Variants in LRP1B observed in about 807,000 individuals in gnomAD.
LRP1B encodes the protein low-density lipoprotein receptor-related protein 1B.
Under a neutral mutation model 556.6 loss-of-function variants are expected in LRP1B, and 217 were observed. The ratio of observed to expected loss-of-function variants is 0.39; its 90% CI spans 0.35 to 0.44. LRP1B has a LOEUF of 0.44. LRP1B is among the 20% of genes least tolerant of loss of function. The pLI is 1.00. For missense variants in LRP1B, 5,053 were observed against 5,620.8 expected, an observed-to-expected ratio of 0.90 and a Z score of 3.23; for synonymous variants, 2,047 against 1,865.8, an observed-to-expected ratio of 1.10 and a Z score of -2.50.
At chr2:140,411,468 A>G (rs1684967050) in intron 66 of LRP1B, among the ~76,000 whole-genome samples, 1 of 152,058 alleles carries the variant, frequency 6.6e-6, no homozygotes, top group Non-Finnish European at 1.5e-5. Flanking sequence ...AATTCTTGCT[A>G]TTTGCAGATA....
At chr2:142,028,861 AGT>A (rs766862726) in intron 1 of LRP1B, among the ~76,000 whole-genome samples, 153 of 152,058 alleles carry the variant, frequency 1.0e-3, no homozygotes, top group African/African-American at 3.3e-3. Flanking sequence ...TATAATAAAA[AGT>A]GTAGTGGTAT....
At chr2:141,119,211 C>T (rs562482491) in intron 7 of LRP1B, among the ~76,000 whole-genome samples, 2 of 151,912 alleles carry the variant, frequency 1.3e-5, no homozygotes, top group South Asian at 4.2e-4. Flanking sequence ...TTAAAATCAT[C>T]CGTAAGTTTT....
At chr2:141,639,684 A>C (rs183849546) in intron 2 of LRP1B, among the ~76,000 whole-genome samples, 8 of 152,048 alleles carry the variant, frequency 5.3e-5, no homozygotes, top group Admixed American at 4.6e-4. Context: ...TTCTCCAATA[A>C]TTATTTTGTT....
chr2:142,064,588 T>C (rs575023454), intron 1 of LRP1B, among the ~76,000 whole-genome samples: 2 of 151,636 alleles, frequency 1.3e-5, no homozygotes, highest in Non-Finnish European at 3.0e-5. Context: ...CACTTCTTCC[T>C]GTCTTTCCTT....
chr2:142,011,398 C>T (rs758434063), intron 1 of LRP1B, among the ~76,000 whole-genome samples: 58 of 152,152 alleles, frequency 3.8e-4, no homozygotes, highest in Non-Finnish European at 7.2e-4. Flanking sequence ...GTTTAATTTA[C>T]ATGATGATAC....
chr2:140,739,362 CAA>C (rs56217594), intron 35 of LRP1B, among the ~76,000 whole-genome samples: 9,221 of 146,840 alleles, frequency 0.063, 352 homozygotes, highest in Admixed American at 0.11. Context: ...TGCAAAGAGT[CAA>C]AAAAAAAAAA....
intron 31 of LRP1B, among the ~76,000 whole-genome samples, chr2:140,833,808 T>C (rs1691802820): frequency 6.6e-6 from 1 of 152,322 alleles, no homozygotes; most frequent in South Asian, 2.1e-4. Context: ...ACAAATTTTT[T>C]ACAAAGGTTA....
chr2:141,700,650 A>G (rs1691910244), intron 2 of LRP1B, among the ~76,000 whole-genome samples: 1 of 151,774 alleles, frequency 6.6e-6, no homozygotes, highest in South Asian at 2.1e-4. Context: ...CTAGCCATAG[A>G]AACTAGAATC....
intron 20 of LRP1B, among the ~76,000 whole-genome samples, chr2:140,927,868 G>A (rs781653532): frequency 5.3e-5 from 8 of 150,674 alleles, no homozygotes; most frequent in Non-Finnish European, 1.0e-4. Context: ...CATCATGCCC[G>A]GCTATTCATT....
At chr2:141,926,641 C>T (rs557478053) in intron 1 of LRP1B, among the ~76,000 whole-genome samples, 1 of 152,256 alleles carries the variant, frequency 6.6e-6, no homozygotes, top group South Asian at 2.1e-4. Context: ...TTGGCATCTA[C>T]TTTGAAGCAA....
At chr2:140,903,481 T>G (rs1694161471) in intron 22 of LRP1B, among the ~76,000 whole-genome samples, 1 of 152,086 alleles carries the variant, frequency 6.6e-6, no homozygotes, top group Non-Finnish European at 1.5e-5. Flanking sequence ...CTGGAAAGAT[T>G]ATGCTGAGCC....
At chr2:141,732,504 C>T (rs1693312101) in intron 2 of LRP1B, among the ~76,000 whole-genome samples, 1 of 152,064 alleles carries the variant, frequency 6.6e-6, no homozygotes, top group Admixed American at 6.6e-5. Context: ...TTTCTGTAGG[C>T]TGGAGTATTT....
At chr2:141,184,741 G>A (rs1681167184) in intron 7 of LRP1B, among the ~76,000 whole-genome samples, 2 of 151,202 alleles carry the variant, frequency 1.3e-5, no homozygotes, top group South Asian at 4.2e-4. Context: ...CAGCCAAAGT[G>A]CAGCGATGGG....
chr2:141,570,903 C>T (rs1428811530), intron 2 of LRP1B, among the ~76,000 whole-genome samples: 2 of 151,144 alleles, frequency 1.3e-5, no homozygotes, highest in Non-Finnish European at 3.0e-5. Flanking sequence ...GAATCTGGAT[C>T]TCCCTGGGCC....
At chr2:141,883,845 A>G (rs1699029901) in intron 1 of LRP1B, among the ~76,000 whole-genome samples, 1 of 151,712 alleles carries the variant, frequency 6.6e-6, no homozygotes, top group South Asian at 2.1e-4. Flanking sequence ...TTAAAAGAAA[A>G]CAACAACAAC....
At chr2:141,856,653 G>T (rs1324202862) in intron 1 of LRP1B, among the ~76,000 whole-genome samples, 1 of 152,004 alleles carries the variant, frequency 6.6e-6, no homozygotes, top group African/African-American at 2.4e-5. Context: ...AAACCCAGAG[G>T]TATACAAAAC....
At chr2:140,559,752 A>G (rs1680862939) in intron 43 of LRP1B, among the ~76,000 whole-genome samples, 1 of 110,936 alleles carries the variant, frequency 9.0e-6, no homozygotes, top group South Asian at 3.3e-4. Flanking sequence ...ACACTGACAT[A>G]AATAATTGAA....
At chr2:141,605,417 A>G (rs898478537) in intron 2 of LRP1B, among the ~76,000 whole-genome samples, 3 of 152,058 alleles carry the variant, frequency 2.0e-5, no homozygotes, top group Non-Finnish European at 2.9e-5. Flanking sequence ...GAGTGGATTC[A>G]TCATGGTTAA....
At chr2:140,753,093 T>C (rs561915474) in intron 35 of LRP1B, among the ~76,000 whole-genome samples, 1 of 152,230 alleles carries the variant, frequency 6.6e-6, no homozygotes, top group South Asian at 2.1e-4. Context: ...TCCATAGTTT[T>C]ACATTTTCAA....
Sources: allele counts gnomAD v4.1 joint callset (sites outside exome capture counted in the v4.1 genomes callset), GRCh38; gene constraint gnomAD v4.1.1; transcripts MANE v1.5; gene names NCBI Gene and HGNC (gene_info 2026-07-23, HGNC 2026-07-21).